Variants in NRXN1 observed in about 807,000 individuals in gnomAD.
NRXN1 encodes neurexin 1, also known as neurexin-1.
NRXN1 carries 39 observed loss-of-function variants against 150.9 expected under a neutral mutation model. The ratio of observed to expected loss-of-function variants is 0.26; its 90% CI spans 0.20 to 0.34. NRXN1 has a LOEUF of 0.34. NRXN1 is among the 10% of genes least tolerant of loss of function. The pLI, the probability that NRXN1 is intolerant of heterozygous loss-of-function variation, is 1.00. For synonymous variants in NRXN1, 924 were observed against 757.0 expected (o/e 1.22, Z -3.62); for missense variants, 1,815 against 1,949.9 (o/e 0.93, Z 1.30).
At chr2:50,958,144 C>A (rs1692564184) in intron 2 of NRXN1, among the ~76,000 whole-genome samples, 1 of 152,034 alleles carries the variant, frequency 6.6e-6, no homozygotes, top group Non-Finnish European at 1.5e-5. Flanking sequence ...GGAAATGGGA[C>A]CATTTTCCTG....
intron 5 of NRXN1, among the ~76,000 whole-genome samples, chr2:50,708,172 A>G (rs1309927704): frequency 6.6e-6 from 1 of 152,218 alleles, no homozygotes; most frequent in Non-Finnish European, 1.5e-5. Context: ...TTAAAGAACA[A>G]TGGAGTTGAA....
chr2:50,755,142 C>T (rs1364921401), intron 5 of NRXN1, among the ~76,000 whole-genome samples: 3 of 151,802 alleles, frequency 2.0e-5, no homozygotes, highest in Non-Finnish European at 2.9e-5. Context: ...TTCTTGAGAA[C>T]TGCTCCACTG....
At chr2:49,930,642 T>A (rs1669969317) in intron 22 of NRXN1, among the ~76,000 whole-genome samples, 1 of 152,232 alleles carries the variant, frequency 6.6e-6, no homozygotes, top group Non-Finnish European at 1.5e-5. Context: ...ATCCAATAGT[T>A]TTGTCTTTTT....
intron 18 of NRXN1, among the ~76,000 whole-genome samples, chr2:50,195,453 T>G (rs1167003023): frequency 2.0e-5 from 3 of 152,214 alleles, no homozygotes; most frequent in African/African-American, 7.2e-5. Flanking sequence ...TTTTATAGGC[T>G]AATAGGCTGT....
At chr2:50,540,175 G>T (rs2093356921) in intron 9 of NRXN1, among the ~76,000 whole-genome samples, 1 of 152,192 alleles carries the variant, frequency 6.6e-6, no homozygotes, top group African/African-American at 2.4e-5. Context: ...GCTCCTAGGG[G>T]AGAAACACTC....
At chr2:50,632,370 G>C (rs1376608617) in intron 5 of NRXN1, 1 of 152,024 alleles carries the variant, frequency 6.6e-6, no homozygotes, top group East Asian at 1.9e-4. Flanking sequence ...TGGAAGGCAA[G>C]AGCAGAGGAA....
chr2:50,909,249 C>T (rs2104066754), intron 5 of NRXN1, among the ~76,000 whole-genome samples: 2 of 152,056 alleles, frequency 1.3e-5, no homozygotes, highest in East Asian at 3.9e-4. Context: ...AATAATTAAA[C>T]CTCTCCTTAA....
chr2:50,788,214 G>A (rs1052333962), intron 5 of NRXN1, among the ~76,000 whole-genome samples: 5 of 151,650 alleles, frequency 3.3e-5, no homozygotes, highest in Admixed American at 1.3e-4. Flanking sequence ...TGCCTCCTGA[G>A]CAGCTGGGAC....
intron 18 of NRXN1, among the ~76,000 whole-genome samples, chr2:50,233,827 A>G (rs1438624781): frequency 6.6e-6 from 1 of 152,112 alleles, no homozygotes; most frequent in East Asian, 1.9e-4. Flanking sequence ...TTAAATTTCA[A>G]TAATGAAAGA....
intron 19 of NRXN1, among the ~76,000 whole-genome samples, chr2:50,066,360 A>G (rs1296802844): frequency 1.3e-5 from 2 of 152,234 alleles, no homozygotes; most frequent in Admixed American, 6.5e-5. Flanking sequence ...AAGATAATAG[A>G]TAATGAGACA....
At chr2:50,016,563 C>G (rs374150463) in intron 21 of NRXN1, 42 of 152,248 alleles carry the variant, frequency 2.8e-4, no homozygotes, top group African/African-American at 9.9e-4. Context: ...GCAAACACAT[C>G]CTTCTTAACA....
At chr2:50,885,371 C>T (rs1011631559) in intron 5 of NRXN1, among the ~76,000 whole-genome samples, 1 of 146,486 alleles carries the variant, frequency 6.8e-6, no homozygotes, top group Non-Finnish European at 1.5e-5. Context: ...GTTAAACTTG[C>T]TAACCATAAA....
At chr2:50,889,626 T>A (rs1166473598) in intron 5 of NRXN1, among the ~76,000 whole-genome samples, 1 of 151,862 alleles carries the variant, frequency 6.6e-6, no homozygotes, top group East Asian at 1.9e-4. Flanking sequence ...TGTAATTAAG[T>A]CCAAGGTTAT....
In NRXN1 at chr2:50,091,720, G is replaced by C. The variant is rs148590460; in HGVS notation, c.3547-226C>G. On this transcript the variant is annotated intron_variant, in intron 18 of 22. Transcript: ENST00000401669. ...GATATTCCAAAAGGCACACTTTCAA[G>C]GGAATTGAGCCGCCTTCTTCCCAGA... Among the ~76,000 whole-genome samples the C allele has an allele frequency of 2.8e-3, 424 of 152,284 alleles. 3 individuals carry two copies. Among genetic ancestry groups the C allele is most frequent in the African/African-American group, 9.7e-3 (401 of 41,554 alleles).
At chr2:49,979,252 A>T (rs1471777588) in intron 21 of NRXN1, among the ~76,000 whole-genome samples, 1 of 152,134 alleles carries the variant, frequency 6.6e-6, no homozygotes, top group East Asian at 1.9e-4. Context: ...AGCCAAGATC[A>T]TGCCACTGCA....
chr2:50,265,992 A>G (rs921288393), intron 17 of NRXN1, among the ~76,000 whole-genome samples: 7 of 88,786 alleles, frequency 7.9e-5, no homozygotes, highest in Admixed American at 7.5e-4. Flanking sequence ...TATTATTATT[A>G]TTATTATTTA....
At chr2:50,226,765 G>A (rs1001480597) in intron 18 of NRXN1, among the ~76,000 whole-genome samples, 2 of 151,930 alleles carry the variant, frequency 1.3e-5, no homozygotes, top group African/African-American at 4.8e-5. Context: ...GAAACATGCT[G>A]ATAGTTAGCT....
chr2:50,416,483 C>A (rs944951133), intron 17 of NRXN1, among the ~76,000 whole-genome samples: 1 of 151,988 alleles, frequency 6.6e-6, no homozygotes, highest in Non-Finnish European at 1.5e-5. Context: ...TTAATAATTT[C>A]TATTTCCTTC....
At position 50,073,089 on chromosome 2, in the gene NRXN1, T is replaced by C. The variant is rs192246448; in HGVS notation, c.3719-18045A>G. Among the ~76,000 whole-genome samples the C allele has an allele frequency of 8.2e-4, 125 of 152,338 alleles. No homozygotes were observed. The South Asian group carries it at 0.016, about 20-fold the overall frequency. ...GCCTATACCCTTAGGAAGAACTTGA[T>C]CTTGAATTACAATATCAGTGTCCTT... is the stretch of plus-strand genomic sequence containing the variant. On this transcript the variant is annotated intron_variant, in intron 19 of 22. Transcript: ENST00000401669.
Sources: gnomAD v4.1 joint callset for allele counts (sites outside exome capture counted in the v4.1 genomes callset) on GRCh38, gnomAD v4.1.1 for gene constraint, MANE v1.5 for transcripts, NCBI Gene and HGNC (gene_info 2026-07-23, HGNC 2026-07-21) for gene names.